The following ANKRD12 variants were observed in gnomAD, a reference collection of about 807,000 sequenced individuals.
ANKRD12 encodes the protein ankyrin repeat domain-containing protein 12.
Under a neutral mutation model 183.4 loss-of-function variants are expected in ANKRD12, and 85 were observed. The ratio of observed to expected loss-of-function variants is 0.46; its 90% CI spans 0.39 to 0.56. The LOEUF (loss-of-function observed/expected upper bound fraction) is 0.56. ANKRD12 is among the 20% of genes least tolerant of loss of function. The pLI is 0.00. For synonymous variants in ANKRD12, 914 were observed against 800.2 expected (o/e 1.14, Z -2.40); for missense variants, 2,405 against 2,357.1 (o/e 1.02, Z -0.42).
intron 11 of ANKRD12, 58 bp downstream of exon 11, chr18:9,275,725 T>A: frequency 7.1e-7 from 1 of 1,415,304 alleles, no homozygotes; most frequent in Non-Finnish European, 9.4e-7. Context: ...AACTTGGCTA[T>A]TTTTAGAATC....
Position 9,254,748 on chromosome 18 carries a change from G to A in ANKRD12, c.1481G>A (p.Gly494Glu). The part of the protein sequence containing the change: ...ENQELKQEKE[G>E]KENTRITNLT... ...CAAGAGCTAAAGCAAGAAAAGGAAG[G>A]AAAAGAAAATACAAGAATAACAAAC... The change falls in exon 9 of 13, where the codon GGA (glycine) becomes GAA (glutamate). Residue 494 changes from glycine to glutamate, a missense_variant. Gly to Glu is a moderately conservative substitution (Grantham distance 98). Coordinates refer to ENST00000262126, the MANE Select transcript of ANKRD12 (RefSeq NM_015208.5). 6.8e-7 allele frequency: 1 copy of A among 1,473,450 alleles called. No individual in the cohort carries two copies. The highest frequency in any genetic ancestry group is 9.0e-7 in the Non-Finnish European group (1 of 1,112,516). 91.3% of individuals were successfully genotyped at this position (1,473,450 alleles called of 1,614,324 possible).
intron 3 of ANKRD12, among the ~76,000 whole-genome samples, chr18:9,201,375 C>T (rs1204249177): frequency 1.3e-5 from 2 of 152,202 alleles, no homozygotes; most frequent in Non-Finnish European, 2.9e-5. Context: ...TGTTAAACAG[C>T]TGTCTTGAGG....
Position 9,281,317 on chromosome 18 carries a change from G to C in ANKRD12, c.*191G>C, listed in dbSNP as rs549437760. ...ATTTTGGATCTTAGATCCAAACACA[G>C]TTTCTAATAGAAAACTATTATTTAT... On this transcript the variant is annotated 3_prime_UTR_variant, in exon 13 of 13. Coordinates refer to ENST00000262126, the MANE Select transcript of ANKRD12 (RefSeq NM_015208.5). 66 of 462,112 alleles carry C rather than the reference G, an allele frequency of 1.4e-4. No homozygotes were observed. The highest frequency in any genetic ancestry group is 1.2e-3 in the African/African-American group (61 of 48,910). 28.6% of individuals were successfully genotyped at this position (462,112 alleles called of 1,614,324 possible).
rs903752704 is a variant in ANKRD12 at position 9,139,601 on chromosome 18, T to A, written c.-52+2636T>A. Among the ~76,000 whole-genome samples, 7 of 152,256 alleles carry A rather than the reference T, an allele frequency of 4.6e-5. No individual in the cohort carries two copies. The South Asian group carries it at 1.4e-3, about 31-fold the overall frequency. ...ATCATAGTTCATAAGAGGTTTCTAC[T>A]GCTCTCTGTATATAGACTTAGTTAT... On this transcript the variant is annotated intron_variant, in intron 1 of 12. Coordinates refer to ENST00000262126, the MANE Select transcript of ANKRD12 (RefSeq NM_015208.5).
intron 9 of ANKRD12, among the ~76,000 whole-genome samples, chr18:9,262,704 C>A (rs1395937441): frequency 1.3e-5 from 2 of 151,394 alleles, no homozygotes; most frequent in Admixed American, 6.6e-5. Context: ...TCAAGCAATC[C>A]TCCTAGTCTC....
intron 8 of ANKRD12, among the ~76,000 whole-genome samples, chr18:9,248,878 A>G (rs529377470): frequency 1.3e-5 from 2 of 152,216 alleles, no homozygotes; most frequent in East Asian, 1.9e-4. Flanking sequence ...ACCTCTTCAG[A>G]TTGCTGAGTT....
intron 1 of ANKRD12, among the ~76,000 whole-genome samples, chr18:9,138,746 A>G (rs2078216505): frequency 6.6e-6 from 1 of 152,232 alleles, no homozygotes; most frequent in African/African-American, 2.4e-5. Context: ...TCTTGTTGAG[A>G]AAAATCTTTA....
At chr18:9,250,138 A>G (rs1279120804) in intron 8 of ANKRD12, 2 of 152,210 alleles carry the variant, frequency 1.3e-5, no homozygotes, top group Admixed American at 6.5e-5. Flanking sequence ...GGTCTTTACA[A>G]CTAATTGATT....
chr18:9,150,391 A>G (rs1317337701), intron 1 of ANKRD12, among the ~76,000 whole-genome samples: 1 of 152,214 alleles, frequency 6.6e-6, no homozygotes, highest in Non-Finnish European at 1.5e-5. Flanking sequence ...CCAAGTAGAA[A>G]TGGATCTATG....
Position 9,157,550 on chromosome 18 carries a change from G to GGT in ANKRD12, c.-52+20620_-52+20621dup, listed in dbSNP as rs71168037. On this transcript the variant is annotated intron_variant, in intron 1 of 12. Coordinates refer to ENST00000262126, the MANE Select transcript of ANKRD12 (RefSeq NM_015208.5). ...AATGGTAAATTTTATGGTGTGTGTG[G>GGT]GTGTGTGTGTGTGTGTGTGTGTGTG... is the stretch of plus-strand genomic sequence containing the variant. 7.4e-3 allele frequency among the ~76,000 whole-genome samples: 845 copies of GGT among 114,560 alleles called. 12 individuals are homozygous for GGT. The highest frequency in any genetic ancestry group is 0.027 in the East Asian group (119 of 4,372). The allele number at this position is 114,560 out of a possible 152,430, so 75.2% of individuals were successfully genotyped here.
intron 1 of ANKRD12, among the ~76,000 whole-genome samples, chr18:9,149,791 A>ATTTATTTATTT (rs776328260): frequency 0.01 from 1,523 of 146,334 alleles, 29 homozygotes; most frequent in African/African-American, 0.035. Context: ...TTTATTTATT[A>ATTTATTTATTT]AATTTTATTT....
At chr18:9,185,511 T>C (rs149926607) in intron 2 of ANKRD12, among the ~76,000 whole-genome samples, 569 of 152,336 alleles carry the variant, frequency 3.7e-3, no homozygotes, top group Admixed American at 7.6e-3. Context: ...ATAAGTTTGC[T>C]TTGTACTTGC....
intron 3 of ANKRD12, 108 bp from the exon 4 acceptor site, chr18:9,204,368 C>G: frequency 1.3e-6 from 1 of 773,818 alleles, no homozygotes; most frequent in Non-Finnish European, 2.1e-6. Context: ...TTTGGCAAAA[C>G]AATAATAGCT....
chr18:9,138,553 CAT>C (rs1160019191), intron 1 of ANKRD12, among the ~76,000 whole-genome samples: 3 of 152,090 alleles, frequency 2.0e-5, no homozygotes, highest in African/African-American at 7.2e-5. Context: ...AACAAAAAAA[CAT>C]ATGCTCAAGT....
At chr18:9,145,506 G>A (rs747405285) in intron 1 of ANKRD12, among the ~76,000 whole-genome samples, 10 of 152,184 alleles carry the variant, frequency 6.6e-5, no homozygotes, top group Non-Finnish European at 1.0e-4. Context: ...CATCCAAATT[G>A]CTTTCTAGTT....
chr18:9,199,083 A>G (rs1205861273), intron 3 of ANKRD12, among the ~76,000 whole-genome samples: 1 of 152,100 alleles, frequency 6.6e-6, no homozygotes. Flanking sequence ...ACTTGAGGCC[A>G]GGAGTTTGAG....
chr18:9,247,327 A>G (rs1200753983), intron 8 of ANKRD12, among the ~76,000 whole-genome samples: 2 of 151,754 alleles, frequency 1.3e-5, no homozygotes, highest in Non-Finnish European at 2.9e-5. Context: ...AAAAAAAAAA[A>G]AATGGCCTGG....
intron 5 of ANKRD12, among the ~76,000 whole-genome samples, chr18:9,209,923 C>G (rs1052158943): frequency 5.3e-5 from 8 of 152,108 alleles, no homozygotes; most frequent in Admixed American, 5.2e-4. Flanking sequence ...CAAGAGGTGA[C>G]CACTGTTAAC....
chr18:9,270,788 T>C (rs1355224469), intron 10 of ANKRD12, among the ~76,000 whole-genome samples: 1 of 152,148 alleles, frequency 6.6e-6, no homozygotes, highest in Non-Finnish European at 1.5e-5. Context: ...AATTCTTACT[T>C]GAATTGTGCA....
Sources: gnomAD v4.1 joint callset for allele counts (sites outside exome capture counted in the v4.1 genomes callset) on GRCh38, gnomAD v4.1.1 for gene constraint, MANE v1.5 for transcripts, NCBI Gene and HGNC (gene_info 2026-07-23, HGNC 2026-07-21) for gene names.